CDH8: variants seen among roughly 807,000 people sequenced by gnomAD.
CDH8 encodes the protein cadherin-8.
CDH8 carries 17 observed loss-of-function variants against 68.1 expected under a neutral mutation model. The observed-to-expected ratio is 0.25, with a 90% CI of 0.17 to 0.37. The LOEUF is 0.37. CDH8 is among the 10% of genes least tolerant of loss of function. The pLI is 1.00. For synonymous variants in CDH8, 372 were observed against 365.1 expected (o/e 1.02, Z -0.21); for missense variants, 763 against 999.3 (o/e 0.76, Z 3.19).
intron 5 of CDH8, 104 bp from the exon 6 acceptor site, chr16:61,821,217 T>C (rs1962208585): frequency 1.4e-6 from 1 of 709,240 alleles, no homozygotes; most frequent in Admixed American, 2.8e-5. Flanking sequence ...GGCATTCCTA[T>C]AGATGCTACC....
intron 2 of CDH8, among the ~76,000 whole-genome samples, chr16:61,955,422 G>A (rs1053626242): frequency 2.6e-5 from 4 of 152,242 alleles, no homozygotes; most frequent in Non-Finnish European, 5.9e-5. Flanking sequence ...GTATGCCACC[G>A]TCCTTTTCTG....
At chr16:61,845,457 T>C (rs1180678750) in intron 4 of CDH8, among the ~76,000 whole-genome samples, 10 of 148,012 alleles carry the variant, frequency 6.8e-5, no homozygotes, top group Non-Finnish European at 1.0e-4. Context: ...ACAATAAAAC[T>C]TTACCGCACG....
chr16:61,852,755 C>G (rs950812252), intron 4 of CDH8, among the ~76,000 whole-genome samples: 4 of 152,004 alleles, frequency 2.6e-5, no homozygotes, highest in African/African-American at 9.7e-5. Context: ...TTTTCTCTTT[C>G]TATTAATTTG....
intron 2 of CDH8, among the ~76,000 whole-genome samples, chr16:61,987,422 A>G (rs1965647308): frequency 6.6e-6 from 1 of 152,236 alleles, no homozygotes; most frequent in South Asian, 2.1e-4. Context: ...CAGGAGAATC[A>G]CTTGAACCTG....
rs538091294 is a variant in CDH8 at position 61,994,499 on chromosome 16, C to T, written c.252+26653G>A. On this transcript the variant is annotated intron_variant, in intron 2 of 11. Transcript: ENST00000577390. ...TAGCACATAATTTACCTATTACAGGCCAAGGAAAATTTGTCGAATGACTAA... is the reference window on the plus strand; with the variant it reads ...TAGCACATAATTTACCTATTACAGGTCAAGGAAAATTTGTCGAATGACTAA... Among the ~76,000 whole-genome samples the T allele has an allele frequency of 2.0e-5, 3 of 152,252 alleles. No individual in the cohort carries two copies. In the East Asian group the frequency reaches 5.8e-4, roughly 29 times the overall value.
At chr16:61,898,363 GTAGA>G in intron 3 of CDH8, among the ~76,000 whole-genome samples, 1 of 152,180 alleles carries the variant, frequency 6.6e-6, no homozygotes, top group East Asian at 1.9e-4. Context: ...TTCACAAGAG[GTAGA>G]TAAAGTGGAG....
intron 2 of CDH8, among the ~76,000 whole-genome samples, chr16:62,019,525 G>T (rs1391480948): frequency 6.6e-6 from 1 of 152,148 alleles, no homozygotes; most frequent in Non-Finnish European, 1.5e-5. Context: ...AAACATTAAG[G>T]TATATAAACT....
rs1960667915 is a variant in CDH8, at chr16:61,768,356, CTCTCTCTCTCT to C, written c.1414+20979_1414+20989del. ...TCTCTCTCTCTCTCTCTCTCTCTCT[CTCTCTCTCTCT>C]CCCTTTCTCTCTCTCTCTCTCTCTC... On this transcript the variant is annotated intron_variant, in intron 8 of 11. Coordinates refer to ENST00000577390, the MANE Select transcript of CDH8 (RefSeq NM_001796.5). 1.0e-3 allele frequency among the ~76,000 whole-genome samples: 115 copies of C among 112,126 alleles called. 4 individuals carry two copies. The highest frequency in any genetic ancestry group is 1.6e-3 in the Non-Finnish European group (86 of 53,352). 73.6% of individuals were successfully genotyped at this position (112,126 alleles called of 152,430 possible).
At chr16:61,960,320 CGTGTGTGTGTATACACACATATATACAT>C (rs1567546494) in intron 2 of CDH8, among the ~76,000 whole-genome samples, 3,709 of 57,220 alleles carry the variant, frequency 0.065, 914 homozygotes, top group East Asian at 0.074. Flanking sequence ...CACATATATA[CGTGTGTGTGTATACACACATATATACAT>C]GTGTGTGTGT....
intron 4 of CDH8, among the ~76,000 whole-genome samples, chr16:61,828,496 T>C (rs1962391288): frequency 6.6e-6 from 1 of 151,914 alleles, no homozygotes; most frequent in African/African-American, 2.4e-5. Flanking sequence ...CAATAGTATC[T>C]ACACACGTTT....
intron 4 of CDH8, among the ~76,000 whole-genome samples, chr16:61,834,187 A>T (rs1238360878): frequency 6.6e-6 from 1 of 151,836 alleles, no homozygotes; most frequent in African/African-American, 2.4e-5. Flanking sequence ...CCACTTGAAA[A>T]CTATTAATAA....
At position 62,000,033 on chromosome 16, in the gene CDH8, C is replaced by T. The variant is rs571195817; in HGVS notation, c.252+21119G>A. The stretch of plus-strand genomic sequence containing the variant: ...GTGTCCATGTGTTCTCATTGTTCAA[C>T]TCCCACTTATAAGTGAAAACATGTG... On this transcript the variant is annotated intron_variant, in intron 2 of 11. Coordinates refer to ENST00000577390, the MANE Select transcript of CDH8 (RefSeq NM_001796.5). Among the ~76,000 whole-genome samples the T allele has an allele frequency of 7.2e-5, 11 of 151,882 alleles. No individual in the cohort carries two copies. The South Asian group carries it at 2.3e-3, about 32-fold the overall frequency.
chr16:61,880,274 C>G (rs977144090), intron 3 of CDH8, among the ~76,000 whole-genome samples: 2 of 152,052 alleles, frequency 1.3e-5, no homozygotes, highest in Non-Finnish European at 2.9e-5. Context: ...TAATCTGAAG[C>G]TGGAAGGGTA....
chr16:61,974,204 G>GA (rs928202467), intron 2 of CDH8, among the ~76,000 whole-genome samples: 59 of 151,908 alleles, frequency 3.9e-4, no homozygotes, highest in African/African-American at 1.4e-3. Context: ...GTGTTCTATG[G>GA]AAAAAAAAGC....
intron 2 of CDH8, among the ~76,000 whole-genome samples, chr16:61,922,632 G>A (rs889376513): frequency 6.6e-6 from 1 of 152,128 alleles, no homozygotes; most frequent in Non-Finnish European, 1.5e-5. Context: ...CTGTTGATGA[G>A]AGGGACTTGA....
At chr16:61,661,059 T>C (rs1052860035) in intron 10 of CDH8, among the ~76,000 whole-genome samples, 2 of 152,072 alleles carry the variant, frequency 1.3e-5, no homozygotes, top group African/African-American at 4.8e-5. Context: ...TCCTTTTTTG[T>C]CTTAACTGTT....
Position 61,653,399 on chromosome 16 carries a change from T to G in CDH8, c.*209A>C, listed in dbSNP as rs1963367575. ...ACTTCTAGACACTCCACATACTTAA[T>G]TCACACTCCACAAGATTTATAACCT... On this transcript the variant is annotated 3_prime_UTR_variant, in exon 12 of 12. Transcript: ENST00000577390. 7.3e-7 allele frequency: 1 copy of G among 1,362,580 alleles called. No individual in the cohort carries two copies. The allele number at this position is 1,362,580 out of a possible 1,614,324, so 84.4% of individuals were successfully genotyped here.
chr16:61,675,599 T>C (rs1411558299), intron 10 of CDH8, among the ~76,000 whole-genome samples: 1 of 100,798 alleles, frequency 9.9e-6, no homozygotes, highest in Admixed American at 1.0e-4. Context: ...TAAAGTATAA[T>C]AAAAAAAAAT....
At chr16:61,917,424 CT>C (rs1293730920) in intron 2 of CDH8, among the ~76,000 whole-genome samples, 1 of 152,082 alleles carries the variant, frequency 6.6e-6, no homozygotes, top group Non-Finnish European at 1.5e-5. Flanking sequence ...ACAAGATGCC[CT>C]TCAACATTTG....
Sources: gnomAD v4.1 joint callset for allele counts (sites outside exome capture counted in the v4.1 genomes callset) on GRCh38, gnomAD v4.1.1 for gene constraint, MANE v1.5 for transcripts, NCBI Gene and HGNC (gene_info 2026-07-23, HGNC 2026-07-21) for gene names.